The following PRRX1 variants were observed in gnomAD, a reference collection of about 807,000 sequenced individuals.
PRRX1 encodes the protein paired mesoderm homeobox protein 1.
Under a neutral mutation model 24.0 loss-of-function variants are expected in PRRX1, and 8 were observed. The observed-to-expected ratio is 0.33, with a 90% CI of 0.20 to 0.60. The LOEUF (loss-of-function observed/expected upper bound fraction) is 0.60. PRRX1 is among the 20% of genes least tolerant of loss of function. PRRX1 has a pLI of 0.82. For synonymous variants in PRRX1, 160 were observed against 131.7 expected (o/e 1.22, Z -1.47); for missense variants, 281 against 322.4 (o/e 0.87, Z 0.98).
chr1:170,693,254 C>T lies in PRRX1; in HGVS notation c.242-26472C>T, dbSNP rs74123157. Among the ~76,000 whole-genome samples, 381 of 152,084 alleles carry T rather than the reference C, an allele frequency of 2.5e-3. 1 individual carries two copies. Among genetic ancestry groups the T allele is most frequent in the African/African-American group, 8.7e-3 (360 of 41,502 alleles). On this transcript the variant is annotated intron_variant, in intron 1 of 3. Coordinates refer to ENST00000239461, the MANE Select transcript of PRRX1 (RefSeq NM_022716.4). ...GATGAATTAGCATTGATAAATGACTCGCAAAATAGAAAATGCTGTAGAAAG... is the reference window on the plus strand; with the variant it reads ...GATGAATTAGCATTGATAAATGACTTGCAAAATAGAAAATGCTGTAGAAAG...
chr1:170,700,417 T>C (rs1181661811), intron 1 of PRRX1, among the ~76,000 whole-genome samples: 1 of 152,148 alleles, frequency 6.6e-6, no homozygotes, highest in East Asian at 1.9e-4. Flanking sequence ...AAATGACATG[T>C]CCTTGTGTCT....
At chr1:170,733,916 A>G (rs1655521991) in intron 3 of PRRX1, among the ~76,000 whole-genome samples, 1 of 152,140 alleles carries the variant, frequency 6.6e-6, no homozygotes, top group Non-Finnish European at 1.5e-5. Flanking sequence ...ATTTCTTGGT[A>G]TATTCTAAAA....
At chr1:170,701,885 C>G (rs976990148) in intron 1 of PRRX1, among the ~76,000 whole-genome samples, 4 of 151,826 alleles carry the variant, frequency 2.6e-5, no homozygotes, top group African/African-American at 7.3e-5. Flanking sequence ...ATCCTCTTTT[C>G]TATTTGAAGA....
intron 1 of PRRX1, among the ~76,000 whole-genome samples, chr1:170,682,852 T>C (rs1185018890): frequency 6.6e-6 from 1 of 152,140 alleles, no homozygotes; most frequent in African/African-American, 2.4e-5. Flanking sequence ...AGCAGGAATA[T>C]GAAAGAAAAG....
Position 170,664,368 on chromosome 1 carries a change from G to A in PRRX1, c.150G>A (p.Ala50=), listed in dbSNP as rs376351453. ...LDLEEAGDMV[A]AQADENVGEA... ...TGGAGGAAGCCGGGGACATGGTGGC[G>A]GCACAGGCGGATGAGAACGTGGGCG... Residue 50 remains alanine (A), a synonymous_variant, in exon 1 of 4, where the codon GCG becomes GCA. Coordinates refer to ENST00000239461, the MANE Select transcript of PRRX1 (RefSeq NM_022716.4). The A allele has an allele frequency of 7.4e-6, 12 of 1,613,734 alleles. No individual in the cohort carries two copies. In the South Asian group the frequency reaches 8.8e-5, roughly 12 times the overall value.
intron 1 of PRRX1, among the ~76,000 whole-genome samples, chr1:170,682,498 C>A (rs1030410444): frequency 6.6e-6 from 1 of 151,964 alleles, no homozygotes; most frequent in African/African-American, 2.4e-5. Context: ...CTCTGGGCAC[C>A]CCATGCCCCC....
intron 1 of PRRX1, among the ~76,000 whole-genome samples, chr1:170,685,578 C>A (rs1036478295): frequency 6.6e-6 from 1 of 152,174 alleles, no homozygotes; most frequent in Non-Finnish European, 1.5e-5. Context: ...AGATTTCAAT[C>A]CTGCCTCTAT....
At chr1:170,716,199 A>G (rs1275705580) in intron 1 of PRRX1, among the ~76,000 whole-genome samples, 1 of 152,234 alleles carries the variant, frequency 6.6e-6, no homozygotes, top group Non-Finnish European at 1.5e-5. Context: ...AAGAGCAACA[A>G]TAACTACATA....
chr1:170,733,839 T>C (rs771633802), intron 3 of PRRX1, among the ~76,000 whole-genome samples: 1 of 152,152 alleles, frequency 6.6e-6, no homozygotes. Context: ...CATACATTTA[T>C]GGTAAGGTCT....
rs1056244147 is a variant in PRRX1 at position 170,736,517 on chromosome 1, T to TA, written c.*339dup. 8.7e-5 allele frequency: 30 copies of TA among 345,684 alleles called. No homozygotes were observed. Among genetic ancestry groups the TA allele is most frequent in the East Asian group, 2.9e-4 (6 of 20,764 alleles). The allele number at this position is 345,684 out of a possible 1,614,324, so 21.4% of individuals were successfully genotyped here. A position where few individuals can be genotyped will look rare whatever the true frequency, so the allele number is the denominator to read the frequency against. ...CCACCCCCATGATTGTATGAAGTTT[T>TA]AAAAAAAACTACAGCAGCCAAAGAA... On this transcript the variant is annotated 3_prime_UTR_variant, in exon 4 of 4. Coordinates refer to ENST00000239461, the MANE Select transcript of PRRX1 (RefSeq NM_022716.4).
intron 2 of PRRX1, among the ~76,000 whole-genome samples, chr1:170,720,926 T>C (rs926437281): frequency 1.3e-5 from 2 of 152,194 alleles, no homozygotes; most frequent in Non-Finnish European, 2.9e-5. Flanking sequence ...ATATGCCAAG[T>C]AGTGTTCTTT....
chr1:170,700,724 A>G (rs754823820), intron 1 of PRRX1, among the ~76,000 whole-genome samples: 3 of 152,180 alleles, frequency 2.0e-5, no homozygotes, highest in Non-Finnish European at 4.4e-5. Context: ...TGGAGACAAA[A>G]CTGCCCTTAT....
chr1:170,735,861 A>G (rs923654662), intron 3 of PRRX1, among the ~76,000 whole-genome samples, 187 bp from the exon 4 acceptor site: 1 of 152,086 alleles, frequency 6.6e-6, no homozygotes, highest in African/African-American at 2.4e-5. Flanking sequence ...TCAAAACATG[A>G]CCACTCTTCC....
chr1:170,721,871 T>G (rs1655096487), intron 2 of PRRX1, among the ~76,000 whole-genome samples: 1 of 152,026 alleles, frequency 6.6e-6, no homozygotes, highest in African/African-American at 2.4e-5. Context: ...GGTGGTGTAA[T>G]GAATACTTTT....
intron 1 of PRRX1, among the ~76,000 whole-genome samples, chr1:170,693,362 G>A (rs927846079): frequency 6.6e-6 from 1 of 152,024 alleles, no homozygotes; most frequent in African/African-American, 2.4e-5. Context: ...ACTGGAATAC[G>A]GGTGTACTTA....
chr1:170,680,258 C>CAT (rs1413084900), intron 1 of PRRX1, among the ~76,000 whole-genome samples: 1 of 151,848 alleles, frequency 6.6e-6, no homozygotes, highest in African/African-American at 2.4e-5. Context: ...AATGATAGAC[C>CAT]AATGAATGAA....
intron 1 of PRRX1, among the ~76,000 whole-genome samples, chr1:170,689,839 C>CTCTCTCTCTCTCTCTCT (rs1558049688): frequency 1.3e-4 from 12 of 91,644 alleles, no homozygotes; most frequent in African/African-American, 4.9e-4. Flanking sequence ...TCTCTCTCTC[C>CTCTCTCTCTCTCTCTCT]CTCTCTCTCT....
intron 1 of PRRX1, among the ~76,000 whole-genome samples, chr1:170,708,406 T>C (rs1391686438): frequency 6.6e-6 from 1 of 152,072 alleles, no homozygotes; most frequent in Non-Finnish European, 1.5e-5. Flanking sequence ...GAAATCACCA[T>C]ATAATTAAGG....
At chr1:170,694,230 A>G (rs1056579004) in intron 1 of PRRX1, among the ~76,000 whole-genome samples, 4 of 152,248 alleles carry the variant, frequency 2.6e-5, no homozygotes, top group Middle Eastern at 3.4e-3. Context: ...TTTAAAATGA[A>G]TTTAGGAAAA....
Sources: gnomAD v4.1 joint callset for allele counts (sites outside exome capture counted in the v4.1 genomes callset) on GRCh38, gnomAD v4.1.1 for gene constraint, MANE v1.5 for transcripts, NCBI Gene and HGNC (gene_info 2026-07-23, HGNC 2026-07-21) for gene names.